STEAP4: variants seen among roughly 807,000 people sequenced by gnomAD.
STEAP4 encodes STEAP4 metalloreductase.
Under a neutral mutation model 43.6 loss-of-function variants are expected in STEAP4, and 36 were observed. The observed-to-expected ratio is 0.83, with a 90% CI of 0.63 to 1.09. The LOEUF is 1.09. Among genes scored for constraint, STEAP4 ranks in the 50% least tolerant of loss-of-function variants. The probability of loss-of-function intolerance (pLI) is 0.00; values close to 1 mark genes in which losing one functional copy is unlikely to be tolerated. For synonymous variants in STEAP4, 191 were observed against 196.7 expected, an observed-to-expected ratio of 0.97 and a Z score of 0.24; for missense variants, 495 against 546.5, an observed-to-expected ratio of 0.91 and a Z score of 0.94.
At chr7:88,286,517 A>G in intron 1 of STEAP4, among the ~76,000 whole-genome samples, 1 of 152,178 alleles carries the variant, frequency 6.6e-6, no homozygotes, top group East Asian at 1.9e-4. Context: ...CACAAAATAG[A>G]GTCCCGTGTC....
rs61360123 is a variant in STEAP4, at chr7:88,286,764, AACACAC to A, written c.-2-2499_-2-2494del. Among the ~76,000 whole-genome samples, 470 of 133,828 alleles carry A rather than the reference AACACAC, an allele frequency of 3.5e-3. 4 individuals carry two copies. The highest frequency in any genetic ancestry group is 7.3e-3 in the African/African-American group (264 of 36,138). 87.8% of individuals were successfully genotyped at this position (133,828 alleles called of 152,430 possible). ...TCCTTCAGGGCCCTCCATACATATA[AACACAC>A]ACACACACACACACACACACACACA... On this transcript the variant is annotated intron_variant, in intron 1 of 4. Coordinates refer to ENST00000380079, the MANE Select transcript of STEAP4 (RefSeq NM_024636.4).
At chr7:88,285,016 T>G (rs879881922) in intron 1 of STEAP4, among the ~76,000 whole-genome samples, 5 of 152,032 alleles carry the variant, frequency 3.3e-5, no homozygotes, top group Non-Finnish European at 4.4e-5. Flanking sequence ...TTCTGAAAGC[T>G]CTAACATAAC....
rs1054790165 is a variant in STEAP4, at chr7:88,279,137, C to T, written c.*261G>A. 10 of 464,236 alleles carry T rather than the reference C, an allele frequency of 2.2e-5. No homozygotes were observed. The East Asian group carries it at 4.0e-4, about 19-fold the overall frequency. 28.8% of individuals were successfully genotyped at this position (464,236 alleles called of 1,614,324 possible). On this transcript the variant is annotated 3_prime_UTR_variant, in exon 5 of 5. Transcript: ENST00000380079. ...TAGTGTGAAACCACAAGGCTAGTCT[C>T]AATCTCAGCTCCATGGCCTCTGGGA...
chr7:88,298,502 C>CAT (rs1311965472), intron 1 of STEAP4: 5 of 151,472 alleles, frequency 3.3e-5, no homozygotes, highest in Admixed American at 6.6e-5. Flanking sequence ...CACACACACA[C>CAT]ACACACACCT....
intron 1 of STEAP4, among the ~76,000 whole-genome samples, chr7:88,301,591 T>C (rs941618545): frequency 6.6e-6 from 1 of 151,448 alleles, no homozygotes; most frequent in African/African-American, 2.4e-5. Flanking sequence ...ATCACTTTTT[T>C]TTTTTCCAGA....
At position 88,272,564 on chromosome 7, in the gene STEAP4, G is replaced by T. The variant is rs1361246922; in HGVS notation, c.*6834C>A. ...TGCCCGTGGTGCTGGCTTGTGAGCT[G>T]TTTTTTACCAGTCTGTGATAAATTC... On this transcript the variant is annotated 3_prime_UTR_variant, in exon 5 of 5. Transcript: ENST00000380079. 6.6e-6 allele frequency: 1 copy of T among 152,176 alleles called. No homozygotes were observed. Among genetic ancestry groups the T allele is most frequent in the African/African-American group, 2.4e-5 (1 of 41,432 alleles). 9.4% of individuals were successfully genotyped at this position (152,176 alleles called of 1,614,324 possible).
At position 88,276,263 on chromosome 7, in the gene STEAP4, G is replaced by A. The variant is rs1299964652; in HGVS notation, c.*3135C>T. ...CAAGCTTACATTGCAAGAAGCTGCA[G>A]ATCTGTTAATGCACTTTCAAACCCA... is the stretch of plus-strand genomic sequence containing the variant. On this transcript the variant is annotated 3_prime_UTR_variant, in exon 5 of 5. Coordinates refer to ENST00000380079, the MANE Select transcript of STEAP4 (RefSeq NM_024636.4). The A allele has an allele frequency of 6.6e-6, 1 of 152,244 alleles. No individual in the cohort carries two copies. Among genetic ancestry groups the A allele is most frequent in the African/African-American group, 2.4e-5 (1 of 41,452 alleles). The allele number at this position is 152,244 out of a possible 1,614,324, so 9.4% of individuals were successfully genotyped here. A position where few individuals can be genotyped will look rare whatever the true frequency, so the allele number is the denominator to read the frequency against.
At chr7:88,297,446 T>C (rs542577510) in intron 1 of STEAP4, among the ~76,000 whole-genome samples, 1 of 152,228 alleles carries the variant, frequency 6.6e-6, no homozygotes, top group East Asian at 1.9e-4. Flanking sequence ...CATAAATCTC[T>C]CCAAGGAGGT....
intron 2 of STEAP4, chr7:88,283,510 T>C (rs560615690): frequency 1.2e-5 from 6 of 494,212 alleles, no homozygotes; most frequent in South Asian, 8.4e-5. Context: ...ACCAGTTTCA[T>C]ACAAGGTAAT....
intron 1 of STEAP4, among the ~76,000 whole-genome samples, chr7:88,289,254 G>T (rs530986915): frequency 3.9e-5 from 6 of 152,114 alleles, no homozygotes; most frequent in Non-Finnish European, 8.8e-5. Context: ...CACAGTGTGA[G>T]ATAAATAAAA....
chr7:88,303,208 A>AAAAAAAAAAAAAAAAAAAACAAT (rs1554544064), intron 1 of STEAP4, among the ~76,000 whole-genome samples: 1 of 144,776 alleles, frequency 6.9e-6, no homozygotes. Context: ...AAAAAAAAAA[A>AAAAAAAAAAAAAAAAAAAACAAT]ACTCCAACCG....
At position 88,276,321 on chromosome 7, in the gene STEAP4, G is replaced by A. The variant is rs1852512645; in HGVS notation, c.*3077C>T. ...CCTTCTCTTTTGCTTATCCCTGAAG[G>A]GAAGTATTTTTAGTCCCAGATGCTG... On this transcript the variant is annotated 3_prime_UTR_variant, in exon 5 of 5. Transcript: ENST00000380079. 1 of 152,150 alleles carries A rather than the reference G, an allele frequency of 6.6e-6. No homozygotes were observed. Among genetic ancestry groups the A allele is most frequent in the Non-Finnish European group, 1.5e-5 (1 of 68,022 alleles). 9.4% of individuals were successfully genotyped at this position (152,150 alleles called of 1,614,324 possible).
rs1027152083 is a variant in STEAP4 at position 88,278,828 on chromosome 7, T to G, written c.*570A>C. The G allele has an allele frequency of 6.4e-6, 1 of 155,286 alleles. No individual in the cohort carries two copies. Among genetic ancestry groups the G allele is most frequent in the South Asian group, 1.9e-4 (1 of 5,226 alleles). 9.6% of individuals were successfully genotyped at this position (155,286 alleles called of 1,614,324 possible). A position where few individuals can be genotyped will look rare whatever the true frequency, so the allele number is the denominator to read the frequency against. On this transcript the variant is annotated 3_prime_UTR_variant, in exon 5 of 5. Transcript: ENST00000380079. Reference sequence around the variant, plus strand: ...AATAGTTCCTCTCAGTAAATATCTGTATTAAGAAAAGCAAAGTCAAGGGGT... The same window carrying G: ...AATAGTTCCTCTCAGTAAATATCTGGATTAAGAAAAGCAAAGTCAAGGGGT...
In STEAP4 at chr7:88,302,120, A is replaced by C. The variant is rs568447931; in HGVS notation, c.-3+4672T>G. 4.6e-5 allele frequency among the ~76,000 whole-genome samples: 7 copies of C among 152,316 alleles called. No homozygotes were observed. The East Asian group carries it at 1.4e-3, about 29-fold the overall frequency. ...GTTAAAATGTGGACTTTGCCACTGCACTTTGACCCTGTTAACTAATATTGT... is the reference window on the plus strand; with the variant it reads ...GTTAAAATGTGGACTTTGCCACTGCCCTTTGACCCTGTTAACTAATATTGT... On this transcript the variant is annotated intron_variant, in intron 1 of 4. Transcript: ENST00000380079.
intron 1 of STEAP4, among the ~76,000 whole-genome samples, chr7:88,295,836 T>C (rs972215573): frequency 6.6e-6 from 1 of 152,138 alleles, no homozygotes; most frequent in African/African-American, 2.4e-5. Context: ...AGAGGTGTGG[T>C]AGGGAGAGGA....
Position 88,279,292 on chromosome 7 carries a change from T to G in STEAP4, c.*106A>C. ...CAGTCACGGTGTAAGAAAAAAACTT[T>G]CCTAACTGTACCCATCATTCTTCTT... On this transcript the variant is annotated 3_prime_UTR_variant, in exon 5 of 5. Transcript: ENST00000380079. 1.9e-6 allele frequency: 2 copies of G among 1,055,106 alleles called. No individual in the cohort carries two copies. Among genetic ancestry groups the G allele is most frequent in the Non-Finnish European group, 2.7e-6 (2 of 728,788 alleles). 65.4% of individuals were successfully genotyped at this position (1,055,106 alleles called of 1,614,324 possible). A position where few individuals can be genotyped will look rare whatever the true frequency, so the allele number is the denominator to read the frequency against.
intron 4 of STEAP4, 59 bp from the exon 5 acceptor site, chr7:88,279,687 C>T: frequency 7.3e-7 from 1 of 1,372,910 alleles, no homozygotes; most frequent in East Asian, 2.5e-5. Flanking sequence ...AAGTGAAACA[C>T]TCTAAGCCAG....
rs879817193 is a variant in STEAP4, at chr7:88,286,793, ACACACACACACACACG to A, written c.-2-2538_-2-2523del. Among the ~76,000 whole-genome samples the A allele has an allele frequency of 4.5e-3, 679 of 150,176 alleles. 2 individuals carry two copies. The highest frequency in any genetic ancestry group is 7.9e-3 in the Non-Finnish European group (528 of 67,032). On this transcript the variant is annotated intron_variant, in intron 1 of 4. Transcript: ENST00000380079. ...CACACACACACACACACACACACAC[ACACACACACACACACG>A]CAAACAATGTAAGATGAACAGAAGG...
chr7:88,284,281 A>C lies in STEAP4; in HGVS notation c.-2-10T>G. On this transcript the variant is annotated splice_polypyrimidine_tract_variant and intron_variant, in intron 1 of 4. Transcript: ENST00000380079. ...CAAGTTTTCTCCATAACTGAAAAAT[A>C]ATAACACAAATGCCCAACAAAATAT... The C allele has an allele frequency of 1.3e-6, 2 of 1,527,524 alleles. No individual in the cohort carries two copies. The highest frequency in any genetic ancestry group is 1.8e-6 in the Non-Finnish European group (2 of 1,133,796). The allele number at this position is 1,527,524 out of a possible 1,614,324, so 94.6% of individuals were successfully genotyped here. A position where few individuals can be genotyped will look rare whatever the true frequency, so the allele number is the denominator to read the frequency against.
Sources: allele counts gnomAD v4.1 joint callset (sites outside exome capture counted in the v4.1 genomes callset), GRCh38; gene constraint gnomAD v4.1.1; transcripts MANE v1.5; gene names NCBI Gene and HGNC (gene_info 2026-07-23, HGNC 2026-07-21).